The following LITAF variants were observed in gnomAD, a reference collection of about 807,000 sequenced individuals.
LITAF encodes lipopolysaccharide-induced tumor necrosis factor-alpha factor.
LITAF carries 9 observed loss-of-function variants against 14.5 expected under a neutral mutation model. The ratio of observed to expected loss-of-function variants is 0.62; its 90% CI spans 0.37 to 1.08. The LOEUF (loss-of-function observed/expected upper bound fraction) is 1.08. Among genes scored for constraint, LITAF ranks in the 50% least tolerant of loss-of-function variants. The pLI, the probability that LITAF is intolerant of heterozygous loss-of-function variation, is 0.01. For synonymous variants in LITAF, 98 were observed against 88.2 expected (o/e 1.11, Z -0.62); for missense variants, 206 against 213.4 (o/e 0.97, Z 0.22).
intron 3 of LITAF, among the ~76,000 whole-genome samples, chr16:11,620,151 G>C (rs1276358825): frequency 6.8e-6 from 1 of 146,276 alleles, no homozygotes; most frequent in East Asian, 2.0e-4. Context: ...CTAGAGGACA[G>C]AGTGAGAGTC....
rs1173365492 is a variant in LITAF at position 11,549,256 on chromosome 16, G to C, written c.*381C>G. On this transcript the variant is annotated 3_prime_UTR_variant, in exon 4 of 4. Coordinates refer to ENST00000622633, the MANE Select transcript of LITAF (RefSeq NM_001136472.2). This position sits in a 1 kb window ranked among gnomAD's most constrained non-coding sequence, Gnocchi z 4.6. ...CAGCCTCAAAAATAAGGCAACTGTG[G>C]CTTCTCAGTTTGAGACTGCCACCAG... is the stretch of plus-strand genomic sequence containing the variant. The C allele has an allele frequency of 2.3e-6, 1 of 436,570 alleles. No individual in the cohort carries two copies. The highest frequency in any genetic ancestry group is 2.0e-5 in the African/African-American group (1 of 48,910). 27.0% of individuals were successfully genotyped at this position (436,570 alleles called of 1,614,324 possible). A position where few individuals can be genotyped will look rare whatever the true frequency, so the allele number is the denominator to read the frequency against.
chr16:11,636,521 C>G (rs2065139061), upstream of LITAF: 1 of 152,428 alleles, frequency 6.6e-6, no homozygotes, highest in African/African-American at 2.4e-5. Flanking sequence ...GTACCTTTTG[C>G]ATAGTGCATG....
At chr16:11,588,009 G>A (rs997118758), upstream of LITAF, among the ~76,000 whole-genome samples, 1 of 152,106 alleles carries the variant, frequency 6.6e-6, no homozygotes, top group Non-Finnish European at 1.5e-5. Flanking sequence ...CCCAGATAGG[G>A]AGTGTGGCTT....
chr16:11,577,316 ATTTTT>A (rs71136668), intron 1 of LITAF, among the ~76,000 whole-genome samples: 4 of 128,034 alleles, frequency 3.1e-5, no homozygotes, highest in East Asian at 2.3e-4. Context: ...AGAAGTGTCT[ATTTTT>A]TTTTTTTTTT....
At chr16:11,606,402 C>T (rs2064955297) in intron 3 of LITAF, among the ~76,000 whole-genome samples, 1 of 151,958 alleles carries the variant, frequency 6.6e-6, no homozygotes, top group South Asian at 2.1e-4. Flanking sequence ...CTCCTGATCG[C>T]AACTGATCCA....
At chr16:11,562,219 C>T (rs540314205) in intron 1 of LITAF, among the ~76,000 whole-genome samples, 4 of 150,836 alleles carry the variant, frequency 2.7e-5, no homozygotes, top group Admixed American at 1.3e-4. Flanking sequence ...CCGTGCCCTG[C>T]CTCTCCACAC....
chr16:11,588,366 C>T (rs984752753), upstream of LITAF, among the ~76,000 whole-genome samples: 9 of 151,542 alleles, frequency 5.9e-5, no homozygotes, highest in Admixed American at 2.6e-4. Flanking sequence ...AATAATAAAG[C>T]GGTGGAGTGG....
chr16:11,619,503 A>G (rs954879493), intron 3 of LITAF, among the ~76,000 whole-genome samples: 7 of 152,166 alleles, frequency 4.6e-5, no homozygotes, highest in Non-Finnish European at 1.0e-4. Context: ...AAACAGGAGA[A>G]GCAAGCTGAG....
intron 3 of LITAF, among the ~76,000 whole-genome samples, chr16:11,615,408 A>G (rs2065012977): frequency 6.6e-6 from 1 of 152,150 alleles, no homozygotes; most frequent in Non-Finnish European, 1.5e-5. Flanking sequence ...ATGGTGGTGC[A>G]TGCCTGTAAT....
chr16:11,567,843 G>T (rs892384012), intron 1 of LITAF, among the ~76,000 whole-genome samples: 6 of 152,188 alleles, frequency 3.9e-5, no homozygotes, highest in African/African-American at 1.4e-4. Context: ...AATTAGCCAG[G>T]CGTGGTGACG....
chr16:11,590,223 A>G (rs1039607841), upstream of LITAF, among the ~76,000 whole-genome samples: 2 of 117,940 alleles, frequency 1.7e-5, 1 homozygote, highest in Non-Finnish European at 3.4e-5. Context: ...ACTACAAAAC[A>G]TTGCTGAAAG....
intron 3 of LITAF, among the ~76,000 whole-genome samples, chr16:11,606,013 A>T (rs1279622511): frequency 6.6e-6 from 1 of 151,998 alleles, no homozygotes; most frequent in Non-Finnish European, 1.5e-5. Context: ...TAGTTGAGGG[A>T]TCCTTTTTCG....
At chr16:11,600,014 A>G (rs1483776156), upstream of LITAF, among the ~76,000 whole-genome samples, 1 of 151,942 alleles carries the variant, frequency 6.6e-6, no homozygotes, top group Non-Finnish European at 1.5e-5. This position sits in a 1 kb window ranked among gnomAD's most constrained non-coding sequence, Gnocchi z 4.1. Context: ...TTTTATATTT[A>G]GAGACAGGTC....
intron 3 of LITAF, chr16:11,551,849 T>C (rs1193887584): frequency 2.3e-5 from 12 of 515,438 alleles, no homozygotes; most frequent in East Asian, 1.7e-4. Context: ...ACAAAACAAG[T>C]TTCTATTCCA....
chr16:11,639,619 T>A (rs866935990), upstream of LITAF, among the ~76,000 whole-genome samples: 380 of 150,426 alleles, frequency 2.5e-3, 2 homozygotes, highest in African/African-American at 7.8e-3. Context: ...GAAAGATTTT[T>A]AAAAAAAAAA....
intron 3 of LITAF, among the ~76,000 whole-genome samples, chr16:11,620,163 G>A (rs546480006): frequency 2.0e-4 from 27 of 137,988 alleles, no homozygotes; most frequent in Non-Finnish European, 3.4e-4. Context: ...GTGAGAGTCC[G>A]TCTCAAAAAA....
chr16:11,584,724 G>A (rs903417318), intron 1 of LITAF, among the ~76,000 whole-genome samples: 6 of 152,080 alleles, frequency 3.9e-5, no homozygotes, highest in African/African-American at 9.7e-5. Flanking sequence ...CAGCTTTTTC[G>A]CCGGTGTGTG....
At chr16:11,639,457 G>T (rs943413857), upstream of LITAF, among the ~76,000 whole-genome samples, 9 of 151,376 alleles carry the variant, frequency 5.9e-5, no homozygotes, top group African/African-American at 2.2e-4. Flanking sequence ...ATGCATGGAT[G>T]GGTGGGTGGA....
intron 1 of LITAF, among the ~76,000 whole-genome samples, chr16:11,598,060 C>T (rs2064902429): frequency 6.6e-6 from 1 of 152,162 alleles, no homozygotes; most frequent in African/African-American, 2.4e-5. Context: ...CATGCGCCAC[C>T]ACGCCCGGGT....
Sources: allele counts gnomAD v4.1 joint callset (sites outside exome capture counted in the v4.1 genomes callset), GRCh38; gene constraint gnomAD v4.1.1; non-coding constraint Gnocchi (gnomAD v3.1); transcripts MANE v1.5; gene names NCBI Gene and HGNC (gene_info 2026-07-23, HGNC 2026-07-21).